Variants in LDB2 observed in about 807,000 individuals in gnomAD.
LDB2 encodes the protein LIM domain binding 2, also known as LIM domain-binding protein 2.
LDB2 carries 12 observed loss-of-function variants against 44.3 expected under a neutral mutation model. That is an observed-to-expected ratio of 0.27 (90% CI 0.17 to 0.44). The LOEUF (loss-of-function observed/expected upper bound fraction) is 0.44, where lower values mean the gene tolerates loss of function less well. LDB2 is among the 20% of genes least tolerant of loss of function. LDB2 has a pLI of 1.00. For synonymous variants in LDB2, 164 were observed against 174.8 expected (o/e 0.94, Z 0.49); for missense variants, 344 against 473.5 (o/e 0.73, Z 2.54).
At chr4:16,681,421 A>G (rs76506293) in intron 2 of LDB2, among the ~76,000 whole-genome samples, 6,862 of 152,162 alleles carry the variant, frequency 0.045, 234 homozygotes, top group Admixed American at 0.1. Flanking sequence ...CCCAGCTGAA[A>G]CCATGACTTG....
At chr4:16,857,410 C>G (rs1383806905) in intron 1 of LDB2, among the ~76,000 whole-genome samples, 4 of 152,180 alleles carry the variant, frequency 2.6e-5, no homozygotes, top group Non-Finnish European at 5.9e-5. Context: ...TCTTGCCTAC[C>G]TACCATACAT....
chr4:16,706,428 G>A (rs1020036158), intron 2 of LDB2, among the ~76,000 whole-genome samples: 9 of 152,136 alleles, frequency 5.9e-5, no homozygotes, highest in Non-Finnish European at 1.2e-4. Flanking sequence ...AGCCCTCCTC[G>A]GATATTTAAT....
chr4:16,638,975 C>T (rs1216692338), intron 2 of LDB2, among the ~76,000 whole-genome samples: 2 of 151,878 alleles, frequency 1.3e-5, no homozygotes, highest in African/African-American at 4.8e-5. Context: ...TTAACATTTC[C>T]CTATTAAAAA....
chr4:16,864,645 T>C (rs1489958976), intron 1 of LDB2, among the ~76,000 whole-genome samples: 1 of 151,978 alleles, frequency 6.6e-6, no homozygotes, highest in Non-Finnish European at 1.5e-5. Flanking sequence ...CCCATACCGG[T>C]TGGGCGCAGT....
In LDB2 at chr4:16,804,275, G is replaced by A. The variant is rs969889606; in HGVS notation, c.133-45015C>T. ...ACATATTTTTATACAATTAGATTTT[G>A]TGTTTATATTACATATACACATATA... On this transcript the variant is annotated intron_variant, in intron 1 of 7. Transcript: ENST00000304523. 2.6e-5 allele frequency among the ~76,000 whole-genome samples: 4 copies of A among 152,040 alleles called. No individual in the cohort carries two copies. In the South Asian group the frequency reaches 8.3e-4, roughly 32 times the overall value.
chr4:16,872,957 C>CT (rs1717145376), intron 1 of LDB2, among the ~76,000 whole-genome samples: 1 of 152,166 alleles, frequency 6.6e-6, no homozygotes, highest in Non-Finnish European at 1.5e-5. Flanking sequence ...AAGTCCAATT[C>CT]TAAGAGTCCC....
chr4:16,672,832 T>TTTCTTTCCTTCTTTCCTTCC (rs5856378), intron 2 of LDB2, among the ~76,000 whole-genome samples: 1 of 147,718 alleles, frequency 6.8e-6, no homozygotes, highest in Non-Finnish European at 1.5e-5. Flanking sequence ...GCCTGCCTTC[T>TTTCTTTCCTTCTTTCCTTCC]TTCCTTCCTT....
intron 1 of LDB2, among the ~76,000 whole-genome samples, chr4:16,891,504 G>A (rs1238745597): frequency 2.0e-5 from 3 of 151,656 alleles, no homozygotes; most frequent in Non-Finnish European, 4.4e-5. Flanking sequence ...GTAGAGGCAG[G>A]GTTTCACCAT....
chr4:16,821,906 T>C (rs1782157468), intron 1 of LDB2, among the ~76,000 whole-genome samples: 1 of 152,108 alleles, frequency 6.6e-6, no homozygotes, highest in South Asian at 2.1e-4. Context: ...GGAACCCATC[T>C]CAGTTTAGAG....
chr4:16,613,625 T>C (rs914788940), intron 2 of LDB2, among the ~76,000 whole-genome samples: 2 of 151,916 alleles, frequency 1.3e-5, no homozygotes, highest in African/African-American at 2.4e-5. Context: ...ACACCAACAA[T>C]AGGCATGCAG....
In LDB2 at chr4:16,830,504, G is replaced by T. The variant is rs916755269; in HGVS notation, c.132+67850C>A. On this transcript the variant is annotated intron_variant, in intron 1 of 7. Transcript: ENST00000304523. ...TCTCAGGTAGTATCTTTATAGCAGT[G>T]TAAGAACAGACTAATCCACATATGT... Among the ~76,000 whole-genome samples the T allele has an allele frequency of 6.6e-5, 10 of 152,210 alleles. No homozygotes were observed. In the East Asian group the frequency reaches 1.9e-3, roughly 29 times the overall value.
chr4:16,787,734 G>T (rs1774774040), intron 1 of LDB2, among the ~76,000 whole-genome samples: 1 of 152,122 alleles, frequency 6.6e-6, no homozygotes, highest in Non-Finnish European at 1.5e-5. Flanking sequence ...AAGGCATATG[G>T]TGCACTTCCT....
At chr4:16,767,391 G>A (rs75516345) in intron 1 of LDB2, among the ~76,000 whole-genome samples, 9 of 152,150 alleles carry the variant, frequency 5.9e-5, no homozygotes, top group East Asian at 5.8e-4. Context: ...GAAAGCAAAC[G>A]TAGGTTTTCC....
At chr4:16,853,340 T>A (rs1788654269) in intron 1 of LDB2, among the ~76,000 whole-genome samples, 1 of 152,158 alleles carries the variant, frequency 6.6e-6, no homozygotes, top group Non-Finnish European at 1.5e-5. Context: ...ATAGACATTT[T>A]TCTAAAAGAG....
Position 16,795,457 on chromosome 4 carries a change from T to C in LDB2, c.133-36197A>G, listed in dbSNP as rs568548360. ...CTGAGGTGTCTTGCTGGTCTCCCTC[T>C]AGTCCTAGTCCTGCTGGGCTTTATC... On this transcript the variant is annotated intron_variant, in intron 1 of 7. Coordinates refer to ENST00000304523, the MANE Select transcript of LDB2 (RefSeq NM_001290.5). 8.5e-5 allele frequency among the ~76,000 whole-genome samples: 13 copies of C among 152,258 alleles called. No individual in the cohort carries two copies. The East Asian group carries it at 2.5e-3, about 30-fold the overall frequency.
intron 1 of LDB2, among the ~76,000 whole-genome samples, chr4:16,824,876 G>A (rs1207462975): frequency 1.3e-5 from 2 of 152,234 alleles, no homozygotes; most frequent in African/African-American, 2.4e-5. Context: ...ATAAGACAGT[G>A]AGCATCTCAG....
intron 1 of LDB2, among the ~76,000 whole-genome samples, chr4:16,763,851 A>T (rs987174819): frequency 1.3e-5 from 2 of 151,866 alleles, no homozygotes; most frequent in African/African-American, 4.8e-5. Flanking sequence ...CAACACATCT[A>T]ATTTCTTTGC....
intron 1 of LDB2, among the ~76,000 whole-genome samples, chr4:16,848,546 A>G (rs898897914): frequency 4.6e-5 from 7 of 152,162 alleles, no homozygotes; most frequent in Admixed American, 3.9e-4. Flanking sequence ...GAGACATCCA[A>G]CAATGGAGTG....
At chr4:16,761,644 G>A (rs1345065535) in intron 1 of LDB2, among the ~76,000 whole-genome samples, 3 of 152,216 alleles carry the variant, frequency 2.0e-5, no homozygotes, top group East Asian at 3.8e-4. Context: ...TGGCAGCACA[G>A]ATCTGAGGAC....
Sources: allele counts gnomAD v4.1 joint callset (sites outside exome capture counted in the v4.1 genomes callset), GRCh38; gene constraint gnomAD v4.1.1; transcripts MANE v1.5; gene names NCBI Gene and HGNC (gene_info 2026-07-23, HGNC 2026-07-21).